The following RGS17 variants were observed in gnomAD, a reference collection of about 807,000 sequenced individuals.
The protein encoded by RGS17 is regulator of G-protein signaling 17.
A neutral mutation model predicts 25.5 loss-of-function variants in RGS17; 12 were observed. The ratio of observed to expected loss-of-function variants is 0.47; its 90% CI spans 0.30 to 0.76. The LOEUF (loss-of-function observed/expected upper bound fraction) is 0.76. Among genes scored for constraint, RGS17 ranks in the 30% least tolerant of loss-of-function variants. The probability of loss-of-function intolerance (pLI) is 0.07; values close to 1 mark genes in which losing one functional copy is unlikely to be tolerated. For synonymous variants in RGS17, 71 were observed against 76.9 expected (o/e 0.92, Z 0.40); for missense variants, 196 against 242.2 (o/e 0.81, Z 1.27).
At chr6:153,124,937 T>A (rs979206025) in intron 1 of RGS17, among the ~76,000 whole-genome samples, 1 of 152,166 alleles carries the variant, frequency 6.6e-6, no homozygotes, top group Non-Finnish European at 1.5e-5. Flanking sequence ...TGACTTATCA[T>A]AAATACACCA....
chr6:153,059,858 A>T (rs2349432), intron 1 of RGS17, among the ~76,000 whole-genome samples: 58,394 of 152,072 alleles, frequency 0.38, 11,897 homozygotes, highest in East Asian at 0.62. Context: ...CAATTTTAAC[A>T]TAAGTCAAAA....
rs1157897108 is a variant in RGS17 at position 153,009,973 on chromosome 6, A to C, written c.*1601T>G. 1 of 151,966 alleles carries C rather than the reference A, an allele frequency of 6.6e-6. No homozygotes were observed. Among genetic ancestry groups the C allele is most frequent in the Non-Finnish European group, 1.5e-5 (1 of 67,862 alleles). 9.4% of individuals were successfully genotyped at this position (151,966 alleles called of 1,614,324 possible). ...TGATGCCAACCTTTCAAGTAAAATA[A>C]ATTTAAAAAGAAACCCCCAAACTTG... On this transcript the variant is annotated 3_prime_UTR_variant, in exon 5 of 5. Coordinates refer to ENST00000206262, the MANE Select transcript of RGS17 (RefSeq NM_012419.5).
intron 1 of RGS17, among the ~76,000 whole-genome samples, chr6:153,062,036 G>C (rs1776646019): frequency 6.6e-6 from 1 of 152,254 alleles, no homozygotes; most frequent in South Asian, 2.1e-4. Flanking sequence ...AAATTTGTTG[G>C]AGAGTGAATA....
chr6:153,129,340 A>T (rs1344585046), intron 1 of RGS17, among the ~76,000 whole-genome samples: 2 of 152,344 alleles, frequency 1.3e-5, no homozygotes, highest in East Asian at 3.9e-4. Flanking sequence ...ATTCATTTGT[A>T]TTAAATCACC....
At chr6:153,121,560 TC>T (rs887615579) in intron 1 of RGS17, among the ~76,000 whole-genome samples, 5 of 152,128 alleles carry the variant, frequency 3.3e-5, no homozygotes, top group Non-Finnish European at 1.5e-5. Context: ...CACTTGTTAC[TC>T]CCCCAAAGTC....
chr6:153,020,136 A>G (rs1213466829), intron 4 of RGS17, among the ~76,000 whole-genome samples: 1 of 54,886 alleles, frequency 1.8e-5, no homozygotes, highest in Non-Finnish European at 3.2e-5. Context: ...ATATATATAT[A>G]TATTTTTTTT....
chr6:153,056,947 G>T (rs1012938838), intron 1 of RGS17, among the ~76,000 whole-genome samples: 4 of 151,130 alleles, frequency 2.6e-5, no homozygotes, highest in Admixed American at 2.0e-4. Flanking sequence ...TGAGGATGAT[G>T]AATATGACAG....
At chr6:153,025,479 GTAAT>G (rs1341597382) in intron 3 of RGS17, among the ~76,000 whole-genome samples, 2 of 151,698 alleles carry the variant, frequency 1.3e-5, no homozygotes, top group East Asian at 3.9e-4. Context: ...AAAACCACTA[GTAAT>G]TAATCCACTT....
At chr6:153,064,298 A>G in intron 1 of RGS17, among the ~76,000 whole-genome samples, 1 of 152,144 alleles carries the variant, frequency 6.6e-6, no homozygotes, top group Non-Finnish European at 1.5e-5. Flanking sequence ...CAAGACATAG[A>G]CAGTACAATA....
At chr6:153,113,719 TAACA>T (rs1160537591) in intron 1 of RGS17, among the ~76,000 whole-genome samples, 41 of 152,146 alleles carry the variant, frequency 2.7e-4, no homozygotes, top group African/African-American at 8.9e-4. Context: ...ATGGAAATCA[TAACA>T]AACAGTCTCT....
At chr6:153,047,443 A>G (rs993576991) in intron 1 of RGS17, among the ~76,000 whole-genome samples, 7 of 152,314 alleles carry the variant, frequency 4.6e-5, no homozygotes, top group South Asian at 2.1e-4. Flanking sequence ...ATTAAGTCCA[A>G]GAGTTATTTT....
At chr6:153,083,272 G>C (rs1301114119) in intron 1 of RGS17, among the ~76,000 whole-genome samples, 4 of 152,000 alleles carry the variant, frequency 2.6e-5, no homozygotes, top group Admixed American at 1.3e-4. Flanking sequence ...TTTGTGTCTT[G>C]TTTACAAAGA....
chr6:153,020,134 A>AACAACAAAGCC (rs1779230958), intron 4 of RGS17, among the ~76,000 whole-genome samples: 1 of 69,666 alleles, frequency 1.4e-5, no homozygotes, highest in African/African-American at 6.0e-5. Flanking sequence ...ATATATATAT[A>AACAACAAAGCC]TATATTTTTT....
At chr6:153,128,424 G>T (rs1352466567) in intron 1 of RGS17, among the ~76,000 whole-genome samples, 1 of 152,096 alleles carries the variant, frequency 6.6e-6, no homozygotes, top group Non-Finnish European at 1.5e-5. Flanking sequence ...TCTTGGCATC[G>T]TACCTCATCA....
intron 1 of RGS17, among the ~76,000 whole-genome samples, chr6:153,069,550 G>A (rs1776755770): frequency 6.6e-6 from 1 of 152,070 alleles, no homozygotes. Context: ...CCATTTGATA[G>A]CACAACAGTG....
chr6:153,128,027 T>G (rs1260019477), intron 1 of RGS17, among the ~76,000 whole-genome samples: 1 of 152,198 alleles, frequency 6.6e-6, no homozygotes, highest in Non-Finnish European at 1.5e-5. Flanking sequence ...TTTTCAGAGA[T>G]AAGTGTGGGT....
intron 1 of RGS17, among the ~76,000 whole-genome samples, chr6:153,108,597 T>G (rs1777419394): frequency 6.6e-6 from 1 of 151,918 alleles, no homozygotes; most frequent in Non-Finnish European, 1.5e-5. Flanking sequence ...CTCCTTCTTT[T>G]GACCTCTCAT....
At chr6:153,125,497 A>C (rs1777691541) in intron 1 of RGS17, among the ~76,000 whole-genome samples, 1 of 151,980 alleles carries the variant, frequency 6.6e-6, no homozygotes, top group Admixed American at 6.6e-5. Flanking sequence ...TCCTATAGGG[A>C]CCTCCCATCA....
At chr6:153,096,209 ACAT>A (rs3083492) in intron 1 of RGS17, among the ~76,000 whole-genome samples, 136,986 of 151,920 alleles carry the variant, frequency 0.9, 61,843 homozygotes, top group East Asian at 0.97. Flanking sequence ...GATGGAAGAT[ACAT>A]CATCATCTGC....
Sources: allele counts gnomAD v4.1 joint callset (sites outside exome capture counted in the v4.1 genomes callset), GRCh38; gene constraint gnomAD v4.1.1; transcripts MANE v1.5; gene names NCBI Gene and HGNC (gene_info 2026-07-23, HGNC 2026-07-21).